Variants in IFT57 observed in about 807,000 individuals in gnomAD.
IFT57 encodes intraflagellar transport protein 57 homolog.
A neutral mutation model predicts 56.8 loss-of-function variants in IFT57; 59 were observed. The ratio of observed to expected loss-of-function variants is 1.04; its 90% CI spans 0.84 to 1.29. The LOEUF (loss-of-function observed/expected upper bound fraction) is 1.29, where lower values mean the gene tolerates loss of function less well. IFT57 is among the 50% of genes most tolerant of loss of function. The probability of loss-of-function intolerance (pLI) is 0.00; values close to 1 mark genes in which losing one functional copy is unlikely to be tolerated. For missense variants in IFT57, 470 were observed against 522.1 expected (o/e 0.90, Z 0.97); for synonymous variants, 209 against 186.1 (o/e 1.12, Z -1.00).
chr3:108,219,576 T>C lies in IFT57; in HGVS notation c.213-4A>G. 1.2e-6 allele frequency: 2 copies of C among 1,612,762 alleles called. No homozygotes were observed. Among genetic ancestry groups the C allele is most frequent in the Middle Eastern group, 3.3e-4 (2 of 6,060 alleles). The stretch of plus-strand genomic sequence containing the variant: ...GGTAGGCAGTGCAAAATAGTGTCTG[T>C]TTCAAAACAAGGAGGAATGGGGGCG... On this transcript the variant is annotated splice_region_variant and splice_polypyrimidine_tract_variant and intron_variant, in intron 1 of 10. Transcript: ENST00000264538.
intron 4 of IFT57, among the ~76,000 whole-genome samples, chr3:108,207,764 C>G (rs182655175): frequency 6.6e-6 from 1 of 152,222 alleles, no homozygotes; most frequent in Non-Finnish European, 1.5e-5. Flanking sequence ...TGGGGGTTGG[C>G]CGGGCGCGAT....
chr3:108,181,019 C>T (rs1290985416), intron 6 of IFT57, among the ~76,000 whole-genome samples: 1 of 151,932 alleles, frequency 6.6e-6, no homozygotes, highest in East Asian at 1.9e-4. Flanking sequence ...TTGGTTATTT[C>T]CTTAAAATCT....
chr3:108,221,915 C>A, intron 1 of IFT57, 196 bp downstream of exon 1: 1 of 1,147,210 alleles, frequency 8.7e-7, no homozygotes, highest in East Asian at 2.7e-5. Context: ...ATTCTCTCTA[C>A]AAAAATACCA....
intron 4 of IFT57, among the ~76,000 whole-genome samples, chr3:108,212,300 C>T (rs572164684): frequency 4.6e-5 from 7 of 152,184 alleles, no homozygotes; most frequent in African/African-American, 1.2e-4. Context: ...TAGTCTCAAA[C>T]TCCTGGCCTG....
At chr3:108,186,137 C>T (rs972108252) in intron 6 of IFT57, among the ~76,000 whole-genome samples, 8 of 151,962 alleles carry the variant, frequency 5.3e-5, no homozygotes, top group African/African-American at 1.7e-4. Context: ...AAAGAGAGAA[C>T]ATCATAAAAG....
intron 5 of IFT57, among the ~76,000 whole-genome samples, chr3:108,196,544 T>C (rs2080245397): frequency 6.6e-6 from 1 of 152,176 alleles, no homozygotes; most frequent in African/African-American, 2.4e-5. Context: ...CATAAGCTAT[T>C]TGTTTTTATG....
intron 3 of IFT57, among the ~76,000 whole-genome samples, chr3:108,214,986 T>A (rs1354221305): frequency 6.6e-6 from 1 of 152,166 alleles, no homozygotes; most frequent in Non-Finnish European, 1.5e-5. Flanking sequence ...ACTCCTCTGG[T>A]CTTTTAATAC....
At chr3:108,164,367 A>C (rs183006403) in intron 9 of IFT57, among the ~76,000 whole-genome samples, 2 of 152,206 alleles carry the variant, frequency 1.3e-5, no homozygotes, top group Admixed American at 1.3e-4. Context: ...AACCAGCATT[A>C]ATATAAGTAG....
chr3:108,184,342 AT>A (rs1476858203), intron 6 of IFT57, among the ~76,000 whole-genome samples: 3 of 152,092 alleles, frequency 2.0e-5, no homozygotes, highest in Non-Finnish European at 4.4e-5. Context: ...TTATATGCGG[AT>A]TTTTTTCAAT....
chr3:108,194,477 TAA>T (rs3053409), intron 5 of IFT57, among the ~76,000 whole-genome samples: 14,614 of 148,360 alleles, frequency 0.099, 760 homozygotes, highest in Middle Eastern at 0.12. Flanking sequence ...TTCACAGAAA[TAA>T]AAAAAAAAAT....
chr3:108,201,819 C>G (rs577710117), intron 5 of IFT57, among the ~76,000 whole-genome samples: 1 of 152,166 alleles, frequency 6.6e-6, no homozygotes, highest in Non-Finnish European at 1.5e-5. Context: ...TTCTTCCTCT[C>G]TTTGATTACA....
In IFT57 at chr3:108,173,766, CTGTGTGTGTG is replaced by C. The variant is rs59233165; in HGVS notation, c.778-5912_778-5903del. On this transcript the variant is annotated intron_variant, in intron 6 of 10. Transcript: ENST00000264538. ...GTTGAACCATGGTAAGTCAGGGACTCTGTGTGTGTGTGTGTGTGTGTGTGTGTGTGTGTGT... is the reference window on the plus strand; with the variant it reads ...GTTGAACCATGGTAAGTCAGGGACTCTGTGTGTGTGTGTGTGTGTGTGTGT... Among the ~76,000 whole-genome samples the C allele has an allele frequency of 1.5e-3, 192 of 124,680 alleles. 2 individuals are homozygous for C. Among genetic ancestry groups the C allele is most frequent in the East Asian group, 0.01 (41 of 4,044 alleles). The allele number at this position is 124,680 out of a possible 152,430, so 81.8% of individuals were successfully genotyped here.
intron 3 of IFT57, among the ~76,000 whole-genome samples, chr3:108,216,403 C>G (rs2080373242): frequency 6.6e-6 from 1 of 152,100 alleles, no homozygotes; most frequent in Non-Finnish European, 1.5e-5. Flanking sequence ...CAGGGAAACG[C>G]AAATCAAAAC....
intron 6 of IFT57, among the ~76,000 whole-genome samples, chr3:108,183,033 C>A (rs2080160358): frequency 6.6e-6 from 1 of 152,012 alleles, no homozygotes. Flanking sequence ...AACACACAAT[C>A]ATTTAGTAAT....
chr3:108,185,733 T>C (rs575597709), intron 6 of IFT57, among the ~76,000 whole-genome samples: 1 of 152,038 alleles, frequency 6.6e-6, no homozygotes, highest in South Asian at 2.1e-4. Context: ...GCAAATATAG[T>C]TGGGTTTATG....
At chr3:108,201,420 A>C (rs1012000561) in intron 5 of IFT57, among the ~76,000 whole-genome samples, 9 of 152,202 alleles carry the variant, frequency 5.9e-5, no homozygotes, top group African/African-American at 1.7e-4. Context: ...TCTCTAGCCC[A>C]CATTTCCTAT....
chr3:108,175,247 A>T (rs1423354890), intron 6 of IFT57, among the ~76,000 whole-genome samples: 2 of 151,848 alleles, frequency 1.3e-5, no homozygotes, highest in Middle Eastern at 3.4e-3. Context: ...ATTTCACTCA[A>T]TTTTGCATAT....
Position 108,195,024 on chromosome 3 carries a change from G to A in IFT57, c.655-3381C>T, listed in dbSNP as rs141065209. On this transcript the variant is annotated intron_variant, in intron 5 of 10. Coordinates refer to ENST00000264538, the MANE Select transcript of IFT57 (RefSeq NM_018010.4). ...CAGAAAAGGAAGCAATCAACAAAAT[G>A]AAGAGACAACCCACAGAATGGGAGA... 8.5e-4 allele frequency among the ~76,000 whole-genome samples: 129 copies of A among 152,212 alleles called. 3 individuals carry two copies. The East Asian group carries it at 0.022, about 26-fold the overall frequency.
chr3:108,220,507 C>T (rs2080399656), intron 1 of IFT57, among the ~76,000 whole-genome samples: 1 of 152,120 alleles, frequency 6.6e-6, no homozygotes, highest in Non-Finnish European at 1.5e-5. Context: ...TAACAGAAAG[C>T]TGGGAAGAAA....
Sources: allele counts gnomAD v4.1 joint callset (sites outside exome capture counted in the v4.1 genomes callset), GRCh38; gene constraint gnomAD v4.1.1; transcripts MANE v1.5; gene names NCBI Gene and HGNC (gene_info 2026-07-23, HGNC 2026-07-21).